MCCC1: variants seen among roughly 807,000 people sequenced by gnomAD.
The protein encoded by MCCC1 is methylcrotonoyl-CoA carboxylase subunit alpha, mitochondrial.
MCCC1 carries 64 observed loss-of-function variants against 83.8 expected under a neutral mutation model. The ratio of observed to expected loss-of-function variants is 0.76; its 90% CI spans 0.62 to 0.94. The LOEUF (loss-of-function observed/expected upper bound fraction) is 0.94. Ranked by LOEUF, MCCC1 falls within the 40% of genes least tolerant of loss-of-function variation. The pLI, the probability that MCCC1 is intolerant of heterozygous loss-of-function variation, is 0.00. For missense variants in MCCC1, 807 were observed against 904.7 expected (o/e 0.89, Z 1.39); for synonymous variants, 322 against 315.4 (o/e 1.02, Z -0.22).
At position 183,060,307 on chromosome 3, in the gene MCCC1, T is replaced by A. The variant is rs536848463; in HGVS notation, c.762-2885A>T. ...TGTACGAAATCTTTGTGGCCTTGCA[T>A]AATCCACAATGGAAAGTTGAGGTCT... is the stretch of plus-strand genomic sequence containing the variant. On this transcript the variant is annotated intron_variant, in intron 7 of 18. Coordinates refer to ENST00000265594, the MANE Select transcript of MCCC1 (RefSeq NM_020166.5). 2.6e-5 allele frequency among the ~76,000 whole-genome samples: 4 copies of A among 152,336 alleles called. No individual in the cohort carries two copies. The South Asian group carries it at 8.3e-4, about 32-fold the overall frequency.
At chr3:183,061,635 G>A (rs1715842764) in intron 7 of MCCC1, among the ~76,000 whole-genome samples, 1 of 152,198 alleles carries the variant, frequency 6.6e-6, no homozygotes, top group Non-Finnish European at 1.5e-5. Flanking sequence ...CAGGTAAACT[G>A]ATCTGGCTGT....
At chr3:183,107,893 T>G (rs548891562) in intron 1 of MCCC1, among the ~76,000 whole-genome samples, 2 of 152,298 alleles carry the variant, frequency 1.3e-5, no homozygotes, top group East Asian at 3.9e-4. Flanking sequence ...GCTGATATTT[T>G]TTATGAATAC....
chr3:183,017,632 T>C (rs1711765797), intron 17 of MCCC1: 1 of 401,672 alleles, frequency 2.5e-6, no homozygotes, highest in Non-Finnish European at 4.6e-6. Context: ...ACAGGTCAAA[T>C]CTGAGACCTA....
In MCCC1 at chr3:183,099,423, C is replaced by T; in HGVS notation, c.18G>A (p.Ala6=). 3 of 1,606,146 alleles carry T rather than the reference C, an allele frequency of 1.9e-6. No individual in the cohort carries two copies. Among genetic ancestry groups the T allele is most frequent in the Non-Finnish European group, 2.5e-6 (3 of 1,177,490 alleles). The change falls in exon 1 of 19, where the codon GCG becomes GCA. Residue 6 remains alanine (A), a synonymous_variant. Transcript: ENST00000265594. The stretch of plus-strand genomic sequence containing the variant: ...CCGCCGCCACCAGCAGCACCGACAC[C>T]GCAGAGGCCGCCGCCATGTCCCTGG... The part of the protein sequence containing the change: MAAAS[A]VSVLLVAAER...
intron 14 of MCCC1, among the ~76,000 whole-genome samples, chr3:183,030,908 G>A (rs1314532003): frequency 1.3e-5 from 2 of 152,048 alleles, no homozygotes; most frequent in African/African-American, 2.4e-5. Context: ...GTTACACCAC[G>A]GCCATTTTCT....
intron 12 of MCCC1, among the ~76,000 whole-genome samples, chr3:183,038,745 G>A (rs994633342): frequency 5.9e-5 from 9 of 152,192 alleles, no homozygotes; most frequent in African/African-American, 9.7e-5. Context: ...AAGGTACCAT[G>A]TATAGCTGGC....
chr3:183,102,213 T>TA (rs1293552833), upstream of MCCC1, among the ~76,000 whole-genome samples: 7 of 151,768 alleles, frequency 4.6e-5, no homozygotes, highest in East Asian at 5.8e-4. Flanking sequence ...AACATTTTTT[T>TA]AAAAAAACTG....
chr3:183,073,316 A>C (rs1016592662), intron 4 of MCCC1, among the ~76,000 whole-genome samples: 1 of 152,222 alleles, frequency 6.6e-6, no homozygotes, highest in Non-Finnish European at 1.5e-5. Flanking sequence ...GAATTTGTCT[A>C]TTCTGTCTCT....
intron 5 of MCCC1, among the ~76,000 whole-genome samples, chr3:183,072,164 A>T (rs180756025): frequency 6.6e-6 from 1 of 152,064 alleles, no homozygotes; most frequent in East Asian, 1.9e-4. Flanking sequence ...CACTGTGCCC[A>T]GGCCTGGCTG....
intron 3 of MCCC1, among the ~76,000 whole-genome samples, chr3:183,089,494 G>A (rs1382092937): frequency 2.0e-5 from 3 of 152,118 alleles, no homozygotes; most frequent in African/African-American, 7.2e-5. Context: ...AGTGCCTGTA[G>A]TCCCAGCTAC....
intron 4 of MCCC1, among the ~76,000 whole-genome samples, chr3:183,076,443 G>A (rs1260479391): frequency 6.6e-6 from 1 of 152,116 alleles, no homozygotes; most frequent in Admixed American, 6.5e-5. Context: ...TTATTTTCCA[G>A]TTTGTGGTTA....
At chr3:183,071,497 A>C in intron 5 of MCCC1, 140 bp from the exon 6 acceptor site, 1 of 1,232,116 alleles carries the variant, frequency 8.1e-7, no homozygotes, top group Admixed American at 2.0e-5. Flanking sequence ...AAAATAATAC[A>C]AATTTAATAT....
chr3:183,034,802 G>A (rs1268557839), intron 13 of MCCC1, among the ~76,000 whole-genome samples: 1 of 145,942 alleles, frequency 6.9e-6, no homozygotes, highest in Non-Finnish European at 1.5e-5. Flanking sequence ...TTTTTGAGAC[G>A]AGTCTCGTTC....
In MCCC1 at chr3:183,020,226, A is replaced by G. The variant is rs1450349334; in HGVS notation, c.1881T>C (p.Ile627=). 3.1e-6 allele frequency: 5 copies of G among 1,613,432 alleles called. No homozygotes were observed. The highest frequency in any genetic ancestry group is 3.4e-6 in the Non-Finnish European group (4 of 1,179,372). The change falls in exon 17 of 19, where the codon ATT becomes ATC. Residue 627 remains isoleucine, a synonymous_variant. Transcript: ENST00000265594. The stretch of plus-strand genomic sequence containing the variant: ...ATTTGGGGACTGGAATGTCAATCTC[A>G]ATACTTCCTTCCTAGAAACAGAAAA... ...TIYLFSKEGS[I]EIDIPVPKYL...
At chr3:183,023,903 C>T (rs1712362322) in intron 15 of MCCC1, among the ~76,000 whole-genome samples, 1 of 152,078 alleles carries the variant, frequency 6.6e-6, no homozygotes, top group Non-Finnish European at 1.5e-5. Flanking sequence ...AAAATATGAC[C>T]TATGTGTTCC....
chr3:183,086,762 G>A lies in MCCC1; in HGVS notation c.300C>T (p.Pro100=), dbSNP rs747409426. Residue 100 remains proline (P), a synonymous_variant, in exon 4 of 19, where the codon CCC becomes CCT. Coordinates refer to ENST00000265594, the MANE Select transcript of MCCC1 (RefSeq NM_020166.5). ...DMADEAYSIG[P]APSQQSYLSM... ...ATAGGTAGCTCTGCTGGGAGGGAGCGGGGCCGATGGAATATGCTTCATCTG... is the reference window on the plus strand; with the variant it reads ...ATAGGTAGCTCTGCTGGGAGGGAGCAGGGCCGATGGAATATGCTTCATCTG... 1.1e-5 allele frequency: 18 copies of A among 1,613,932 alleles called. No individual in the cohort carries two copies. The highest frequency in any genetic ancestry group is 5.3e-5 in the African/African-American group (4 of 74,908).
intron 1 of MCCC1, among the ~76,000 whole-genome samples, chr3:183,095,297 A>G (rs1355921972): frequency 6.6e-6 from 1 of 152,148 alleles, no homozygotes; most frequent in African/African-American, 2.4e-5. Flanking sequence ...AAAAAAACAA[A>G]AACAAAAAGA....
chr3:183,024,293 T>C (rs1296909087), intron 15 of MCCC1, among the ~76,000 whole-genome samples: 1 of 152,144 alleles, frequency 6.6e-6, no homozygotes, highest in Non-Finnish European at 1.5e-5. Flanking sequence ...TTATTTGTTT[T>C]TTATACTCTC....
At chr3:183,068,902 T>C (rs184959534) in intron 7 of MCCC1, among the ~76,000 whole-genome samples, 13 of 152,344 alleles carry the variant, frequency 8.5e-5, no homozygotes, top group Admixed American at 7.8e-4. Context: ...AGGTGTGTAG[T>C]TGACTATACT....
Sources: gnomAD v4.1 joint callset for allele counts (sites outside exome capture counted in the v4.1 genomes callset) on GRCh38, gnomAD v4.1.1 for gene constraint, MANE v1.5 for transcripts, NCBI Gene and HGNC (gene_info 2026-07-23, HGNC 2026-07-21) for gene names.